MACROD2: variants seen among roughly 807,000 people sequenced by gnomAD.
MACROD2 encodes the protein mono-ADP ribosylhydrolase 2, also known as ADP-ribose glycohydrolase MACROD2.
In MACROD2, 36 loss-of-function variants were observed where a neutral mutation model predicts 70.4. The ratio of observed to expected loss-of-function variants is 0.51; its 90% CI spans 0.39 to 0.68. The LOEUF is 0.68. MACROD2 is among the 30% of genes least tolerant of loss of function. The probability of loss-of-function intolerance (pLI) is 0.00; values close to 1 mark genes in which losing one functional copy is unlikely to be tolerated. For synonymous variants in MACROD2, 172 were observed against 178.8 expected (o/e 0.96, Z 0.30); for missense variants, 496 against 538.4 (o/e 0.92, Z 0.78).
At chr20:15,060,664 G>A (rs1317445232) in intron 5 of MACROD2, among the ~76,000 whole-genome samples, 2 of 152,134 alleles carry the variant, frequency 1.3e-5, no homozygotes, top group Non-Finnish European at 2.9e-5. Flanking sequence ...ATGGCTTCAT[G>A]TGCCAAAGGT....
chr20:15,950,366 T>C (rs1186528270), intron 12 of MACROD2, among the ~76,000 whole-genome samples: 3 of 152,170 alleles, frequency 2.0e-5, no homozygotes, highest in African/African-American at 7.2e-5. Context: ...AGGACTCTCA[T>C]AGCAGGATGA....
At chr20:14,708,014 T>A (rs2123655474) in intron 5 of MACROD2, among the ~76,000 whole-genome samples, 1 of 152,336 alleles carries the variant, frequency 6.6e-6, no homozygotes, top group South Asian at 2.1e-4. Context: ...ACAAGCTATG[T>A]GTGCATAGGA....
At chr20:14,225,271 T>C (rs2081721839) in intron 3 of MACROD2, among the ~76,000 whole-genome samples, 2 of 152,216 alleles carry the variant, frequency 1.3e-5, no homozygotes, top group African/African-American at 4.8e-5. Flanking sequence ...ACATATTTTC[T>C]TCTGCTTTGA....
At chr20:15,185,206 G>A (rs1176578268) in intron 5 of MACROD2, among the ~76,000 whole-genome samples, 1 of 152,126 alleles carries the variant, frequency 6.6e-6, no homozygotes, top group East Asian at 1.9e-4. Context: ...GAATGAATGA[G>A]TTTCTGATGA....
At position 16,039,912 on chromosome 20, in the gene MACROD2, C is replaced by T. The variant is rs74325623; in HGVS notation, c.1154-1289C>T. ...TTTTTTCCCTTGTGTTATCTTTTTC[C>T]TGAGTTCTTTCATCTACTTTCATAC... On this transcript the variant is annotated intron_variant, in intron 15 of 17. Coordinates refer to ENST00000684519, the MANE Select transcript of MACROD2 (RefSeq NM_001351661.2). 5.4e-4 allele frequency among the ~76,000 whole-genome samples: 82 copies of T among 151,806 alleles called. 2 individuals carry two copies. The East Asian group carries it at 0.011, about 21-fold the overall frequency.
intron 3 of MACROD2, among the ~76,000 whole-genome samples, chr20:14,193,915 G>A (rs2081409209): frequency 6.6e-6 from 1 of 152,124 alleles, no homozygotes; most frequent in Admixed American, 6.5e-5. Flanking sequence ...TCTTATAATA[G>A]GGAAATATAT....
rs866897926 is a variant in MACROD2 at position 14,189,460 on chromosome 20, A to G, written c.271+103732A>G. 2.8e-4 allele frequency among the ~76,000 whole-genome samples: 43 copies of G among 152,318 alleles called. No homozygotes were observed. The Middle Eastern group carries it at 0.01, about 36-fold the overall frequency. ...TGAATGTTTGAGATTGCTTAATTAC[A>G]GCAGCTTTTTGGTTTCCTTTATTTA... On this transcript the variant is annotated intron_variant, in intron 3 of 17. Transcript: ENST00000684519.
At chr20:14,301,790 GA>G in intron 3 of MACROD2, among the ~76,000 whole-genome samples, 1 of 151,992 alleles carries the variant, frequency 6.6e-6, no homozygotes, top group Non-Finnish European at 1.5e-5. Flanking sequence ...TCCCTCTTTT[GA>G]AATAGCTGTG....
At chr20:14,972,360 C>T (rs574569293) in intron 5 of MACROD2, among the ~76,000 whole-genome samples, 1 of 152,038 alleles carries the variant, frequency 6.6e-6, no homozygotes, top group Non-Finnish European at 1.5e-5. Context: ...ATCGATTATA[C>T]CCTCCCTTCC....
chr20:14,304,822 C>T (rs547201002), intron 3 of MACROD2, among the ~76,000 whole-genome samples: 1 of 150,506 alleles, frequency 6.6e-6, no homozygotes, highest in South Asian at 2.1e-4. Flanking sequence ...TTTTGCTAGT[C>T]AGCACCATGA....
intron 4 of MACROD2, among the ~76,000 whole-genome samples, chr20:14,600,987 C>T (rs532408404): frequency 7.9e-5 from 12 of 152,276 alleles, no homozygotes; most frequent in Admixed American, 3.9e-4. Flanking sequence ...TAAATGGAAG[C>T]CTCTGTCTTG....
At chr20:16,037,389 G>A (rs2067250000) in intron 15 of MACROD2, among the ~76,000 whole-genome samples, 1 of 151,890 alleles carries the variant, frequency 6.6e-6, no homozygotes, top group Non-Finnish European at 1.5e-5. Flanking sequence ...ACCATTGAGA[G>A]TAACAACTTA....
rs148615591 is a variant in MACROD2 at position 15,029,375 on chromosome 20, A to G, written c.419-200565A>G. 9.8e-3 allele frequency among the ~76,000 whole-genome samples: 1,485 copies of G among 152,274 alleles called. 11 individuals carry two copies. Among genetic ancestry groups the G allele is most frequent in the Non-Finnish European group, 0.014 (968 of 68,012 alleles). ...TTAATTCATTGGTCAGTTTTCCTAG[A>G]AGAGTGGTTTTTAAACTTTATCATG... is the stretch of plus-strand genomic sequence containing the variant. On this transcript the variant is annotated intron_variant, in intron 5 of 17. Coordinates refer to ENST00000684519, the MANE Select transcript of MACROD2 (RefSeq NM_001351661.2).
chr20:15,225,973 G>A (rs191627168), intron 5 of MACROD2, among the ~76,000 whole-genome samples: 1 of 152,304 alleles, frequency 6.6e-6, no homozygotes, highest in Admixed American at 6.5e-5. Flanking sequence ...TGGAGATAGT[G>A]CCAATTTGCA....
At chr20:14,958,094 T>G (rs1344899563) in intron 5 of MACROD2, among the ~76,000 whole-genome samples, 4 of 152,174 alleles carry the variant, frequency 2.6e-5, no homozygotes, top group Admixed American at 2.6e-4. Context: ...TAGACCTCTC[T>G]GGAGTCTCTT....
chr20:15,986,747 A>G lies in MACROD2; in HGVS notation c.1006A>G (p.Lys336Glu), dbSNP rs1245530168. 1.3e-5 allele frequency: 21 copies of G among 1,613,306 alleles called. No individual in the cohort carries two copies. Among genetic ancestry groups the G allele is most frequent in the Non-Finnish European group, 1.8e-5 (21 of 1,179,404 alleles). ...AACAGGACAAGAGAATGATTCAACG[A>G]AGAATGAAATAAAAATTGAAACAGA... ...HPDGQENDST[K>E]NEIKIETESQ... Residue 336 changes from lysine to glutamate, a missense_variant, in exon 14 of 18, where the codon AAG (lysine) becomes GAG (glutamate). Lys to Glu is a moderately conservative substitution (Grantham distance 56). Transcript: ENST00000684519.
intron 5 of MACROD2, among the ~76,000 whole-genome samples, chr20:15,224,683 G>A (rs1347283772): frequency 6.6e-6 from 1 of 152,156 alleles, no homozygotes; most frequent in Non-Finnish European, 1.5e-5. Context: ...GGTGGCTCAC[G>A]CCTTTAGTCC....
intron 3 of MACROD2, among the ~76,000 whole-genome samples, chr20:14,158,328 A>G (rs1436380964): frequency 1.3e-5 from 2 of 152,006 alleles, no homozygotes; most frequent in Non-Finnish European, 2.9e-5. Flanking sequence ...ATTATCTTGC[A>G]TATTAGTTCC....
chr20:15,824,599 C>CT (rs1375773855), intron 8 of MACROD2, among the ~76,000 whole-genome samples: 3 of 152,180 alleles, frequency 2.0e-5, no homozygotes, highest in African/African-American at 7.2e-5. Context: ...TATTCTTCTG[C>CT]TTTGCTGAGT....
Sources: allele counts gnomAD v4.1 joint callset (sites outside exome capture counted in the v4.1 genomes callset), GRCh38; gene constraint gnomAD v4.1.1; transcripts MANE v1.5; gene names NCBI Gene and HGNC (gene_info 2026-07-23, HGNC 2026-07-21).